The following ADAMTS19 variants were observed in gnomAD, a reference collection of about 807,000 sequenced individuals.
ADAMTS19 encodes the protein ADAM metallopeptidase with thrombospondin type 1 motif 19.
ADAMTS19 carries 93 observed loss-of-function variants against 153.3 expected under a neutral mutation model. The observed-to-expected ratio is 0.61, with a 90% CI of 0.51 to 0.72. The LOEUF (loss-of-function observed/expected upper bound fraction) is 0.72. Among genes scored for constraint, ADAMTS19 ranks in the 30% least tolerant of loss-of-function variants. The probability of loss-of-function intolerance (pLI) is 0.00; values close to 1 mark genes in which losing one functional copy is unlikely to be tolerated. For synonymous variants in ADAMTS19, 600 were observed against 556.6 expected, an observed-to-expected ratio of 1.08 and a Z score of -1.10; for missense variants, 1,482 against 1,552.1, an observed-to-expected ratio of 0.95 and a Z score of 0.76.
chr5:129,677,033 A>C (rs780412587), intron 16 of ADAMTS19, among the ~76,000 whole-genome samples: 4 of 152,252 alleles, frequency 2.6e-5, no homozygotes, highest in Non-Finnish European at 5.9e-5. Context: ...CTAGGCCAAA[A>C]AGATTCCTCA....
chr5:129,663,582 G>C (rs1432231197), intron 15 of ADAMTS19, among the ~76,000 whole-genome samples: 1 of 151,908 alleles, frequency 6.6e-6, no homozygotes, highest in Non-Finnish European at 1.5e-5. Context: ...ACTTTCTTTT[G>C]GTTACTAAGT....
At chr5:129,485,667 C>T (rs1310619953) in intron 2 of ADAMTS19, among the ~76,000 whole-genome samples, 1 of 152,100 alleles carries the variant, frequency 6.6e-6, no homozygotes, top group Non-Finnish European at 1.5e-5. Context: ...AATATTTGAA[C>T]TCCTTTATGT....
At chr5:129,735,453 AGT>A (rs2127228855) in intron 22 of ADAMTS19, among the ~76,000 whole-genome samples, 1 of 152,010 alleles carries the variant, frequency 6.6e-6, no homozygotes, top group East Asian at 1.9e-4. Flanking sequence ...ATGAGATTGT[AGT>A]GTAAGCCTTA....
chr5:129,534,691 C>G (rs961782277), intron 6 of ADAMTS19, among the ~76,000 whole-genome samples: 3 of 152,016 alleles, frequency 2.0e-5, no homozygotes, highest in Non-Finnish European at 2.9e-5. Context: ...ACTGGCAAAC[C>G]GAATCCAGCA....
At chr5:129,704,803 A>G (rs1038246660) in intron 21 of ADAMTS19, among the ~76,000 whole-genome samples, 2 of 152,172 alleles carry the variant, frequency 1.3e-5, no homozygotes, top group Admixed American at 6.5e-5. Context: ...ACTAGATAAA[A>G]GACAGTCATT....
At chr5:129,557,051 G>A (rs951902233) in intron 7 of ADAMTS19, among the ~76,000 whole-genome samples, 1 of 152,110 alleles carries the variant, frequency 6.6e-6, no homozygotes, top group Non-Finnish European at 1.5e-5. Context: ...GAAACGTGGT[G>A]ATTTCAAATC....
intron 6 of ADAMTS19, among the ~76,000 whole-genome samples, chr5:129,547,116 A>C (rs576999214): frequency 6.6e-6 from 1 of 150,936 alleles, no homozygotes; most frequent in African/African-American, 2.5e-5. Context: ...GATTGTATTA[A>C]GGATCTTGAG....
intron 15 of ADAMTS19, 80 bp downstream of exon 15, chr5:129,658,817 G>C (rs181953899): frequency 7.0e-4 from 980 of 1,390,968 alleles, no homozygotes; most frequent in Non-Finnish European, 6.5e-4. Flanking sequence ...TAACTTAAGA[G>C]ATTATAGTTC....
intron 2 of ADAMTS19, among the ~76,000 whole-genome samples, chr5:129,494,406 G>T (rs1561538217): frequency 6.6e-6 from 1 of 152,028 alleles, no homozygotes; most frequent in African/African-American, 2.4e-5. Flanking sequence ...TTGTTTTATT[G>T]ATTATTAGTT....
At chr5:129,475,394 G>C (rs139874584) in intron 2 of ADAMTS19, among the ~76,000 whole-genome samples, 2 of 152,096 alleles carry the variant, frequency 1.3e-5, no homozygotes, top group South Asian at 2.1e-4. Flanking sequence ...GCAAATGTGC[G>C]AGTTTATTTT....
chr5:129,644,537 TTTTGAA>T (rs1487340209), intron 11 of ADAMTS19, among the ~76,000 whole-genome samples: 1 of 152,202 alleles, frequency 6.6e-6, no homozygotes, highest in Non-Finnish European at 1.5e-5. Context: ...TTCTGAATGA[TTTTGAA>T]CAAAGAGGTT....
At chr5:129,571,656 A>C (rs1753913076) in intron 7 of ADAMTS19, among the ~76,000 whole-genome samples, 1 of 151,794 alleles carries the variant, frequency 6.6e-6, no homozygotes. Flanking sequence ...TTTTTTGTAG[A>C]TATAGACAAG....
intron 6 of ADAMTS19, among the ~76,000 whole-genome samples, chr5:129,539,392 G>T (rs1254254128): frequency 2.0e-5 from 3 of 152,056 alleles, no homozygotes; most frequent in Non-Finnish European, 2.9e-5. Context: ...CTAGAAGCTG[G>T]AAAAGGCCAG....
At chr5:129,688,718 T>C (rs570554326) in intron 18 of ADAMTS19, among the ~76,000 whole-genome samples, 1 of 152,336 alleles carries the variant, frequency 6.6e-6, no homozygotes, top group Non-Finnish European at 1.5e-5. Flanking sequence ...CTTTTGAGTC[T>C]AATGATAATT....
In ADAMTS19 at chr5:129,640,178, A is replaced by T. The variant is rs368819896; in HGVS notation, c.1771-1681A>T. ...AAATAAGGTAAATTAAATATATCTC[A>T]CTCTCTCCATAGACTTGAATTTCAT... On this transcript the variant is annotated intron_variant, in intron 10 of 22. Coordinates refer to ENST00000274487, the MANE Select transcript of ADAMTS19 (RefSeq NM_133638.6). Among the ~76,000 whole-genome samples, 13 of 152,108 alleles carry T rather than the reference A, an allele frequency of 8.5e-5. 2 individuals are homozygous for T. Among genetic ancestry groups the T allele is most frequent in the African/African-American group, 3.1e-4 (13 of 41,500 alleles).
At chr5:129,711,640 C>T (rs565442242) in intron 21 of ADAMTS19, among the ~76,000 whole-genome samples, 20 of 151,922 alleles carry the variant, frequency 1.3e-4, no homozygotes, top group African/African-American at 4.3e-4. Context: ...CACACCACTG[C>T]ACTCCAGCCT....
At chr5:129,680,212 A>T (rs1754737581) in intron 17 of ADAMTS19, among the ~76,000 whole-genome samples, 1 of 152,196 alleles carries the variant, frequency 6.6e-6, no homozygotes, top group Non-Finnish European at 1.5e-5. Flanking sequence ...TACATTTACT[A>T]ACTGAAGAGG....
At chr5:129,645,885 ATTTTT>A (rs529444004) in intron 11 of ADAMTS19, among the ~76,000 whole-genome samples, 39 of 97,102 alleles carry the variant, frequency 4.0e-4, no homozygotes, top group African/African-American at 1.7e-3. Context: ...TCCTTTTCCA[ATTTTT>A]TTTTTTTTTT....
intron 2 of ADAMTS19, among the ~76,000 whole-genome samples, chr5:129,462,863 G>T (rs1482354423): frequency 6.6e-6 from 1 of 152,110 alleles, no homozygotes; most frequent in Non-Finnish European, 1.5e-5. Flanking sequence ...ACAAGAACTT[G>T]CATGGAAGCA....
Sources: allele counts gnomAD v4.1 joint callset (sites outside exome capture counted in the v4.1 genomes callset), GRCh38; gene constraint gnomAD v4.1.1; transcripts MANE v1.5; gene names NCBI Gene and HGNC (gene_info 2026-07-23, HGNC 2026-07-21).